NDST4: variants seen among roughly 807,000 people sequenced by gnomAD.
NDST4 encodes the protein N-deacetylase and N-sulfotransferase 4.
A neutral mutation model predicts 100.8 loss-of-function variants in NDST4; 63 were observed. That is an observed-to-expected ratio of 0.62 (90% CI 0.51 to 0.77). NDST4 has a LOEUF of 0.77. Ranked by LOEUF, NDST4 falls within the 30% of genes least tolerant of loss-of-function variation. The probability of loss-of-function intolerance (pLI) is 0.00; values close to 1 mark genes in which losing one functional copy is unlikely to be tolerated. For missense variants in NDST4, 943 were observed against 1,018.4 expected, an observed-to-expected ratio of 0.93 and a Z score of 1.01; for synonymous variants, 377 against 361.8, an observed-to-expected ratio of 1.04 and a Z score of -0.48.
At position 114,937,350 on chromosome 4, in the gene NDST4, A is replaced by C. The variant is rs1411712889; in HGVS notation, c.1375T>G (p.Tyr459Asp). ...CTATTGTGAATGAAGCCCTTTCTGT[A>C]CCGGGCAGGTTTCAGATGTGGATAT... ...EEYPHLKPARYRKGFIHNSIM... is the reference protein window; with the variant it reads ...EEYPHLKPARDRKGFIHNSIM... The change falls in exon 5 of 14, where the codon TAC becomes GAC. Residue 459 changes from tyrosine (Y) to aspartate (D), a missense_variant. Tyr to Asp is a radical substitution (Grantham distance 160, BLOSUM62 -3). Around this residue, in one of 2 missense-constraint regions of NDST4, gnomAD observed 526 missense variants for 634.1 expected, o/e 0.83. Transcript: ENST00000264363. 6.2e-7 allele frequency: 1 copy of C among 1,613,982 alleles called. No individual in the cohort carries two copies. Among genetic ancestry groups the C allele is most frequent in the African/African-American group, 1.3e-5 (1 of 74,902 alleles).
chr4:114,950,587 C>T (rs767242584), intron 4 of NDST4, among the ~76,000 whole-genome samples: 4 of 152,062 alleles, frequency 2.6e-5, no homozygotes, highest in Admixed American at 1.3e-4. Context: ...CACTAACAGA[C>T]TGCAGGCTAA....
intron 6 of NDST4, among the ~76,000 whole-genome samples, chr4:114,924,782 AGGGT>A (rs1725355994): frequency 6.6e-6 from 1 of 152,042 alleles, no homozygotes; most frequent in African/African-American, 2.4e-5. Flanking sequence ...AAAAATTTGT[AGGGT>A]GGCTACAGTT....
intron 6 of NDST4, among the ~76,000 whole-genome samples, chr4:114,891,778 G>C (rs777657949): frequency 6.6e-6 from 1 of 152,050 alleles, no homozygotes; most frequent in African/African-American, 2.4e-5. Flanking sequence ...TTAAAGCTGA[G>C]GTTGCTTCAA....
At chr4:114,839,071 T>C (rs1723370060) in intron 11 of NDST4, among the ~76,000 whole-genome samples, 1 of 152,182 alleles carries the variant, frequency 6.6e-6, no homozygotes, top group Non-Finnish European at 1.5e-5. Flanking sequence ...ATGTCTCCTG[T>C]ATGAGAACTT....
intron 2 of NDST4, among the ~76,000 whole-genome samples, chr4:115,035,850 T>C (rs1175582254): frequency 6.6e-6 from 1 of 152,050 alleles, no homozygotes; most frequent in Non-Finnish European, 1.5e-5. Flanking sequence ...CCAAGGATGT[T>C]AGTAAAACAT....
At chr4:114,890,739 T>G (rs1049014917) in intron 6 of NDST4, among the ~76,000 whole-genome samples, 1 of 152,126 alleles carries the variant, frequency 6.6e-6, no homozygotes, top group Non-Finnish European at 1.5e-5. Flanking sequence ...GGTACTCTCA[T>G]TTGTCCTCAG....
intron 2 of NDST4, among the ~76,000 whole-genome samples, chr4:115,072,123 CAA>C (rs1205093296): frequency 4.6e-5 from 7 of 151,918 alleles, no homozygotes; most frequent in East Asian, 1.9e-4. Flanking sequence ...ATGTTATAGT[CAA>C]AGAGTCAACA....
At chr4:114,947,162 G>A (rs908104597) in intron 4 of NDST4, among the ~76,000 whole-genome samples, 5 of 152,166 alleles carry the variant, frequency 3.3e-5, no homozygotes, top group African/African-American at 1.2e-4. Flanking sequence ...GTATTAAAGT[G>A]AGAACAATTA....
At chr4:114,955,152 G>A (rs1194183139) in intron 4 of NDST4, among the ~76,000 whole-genome samples, 1 of 152,128 alleles carries the variant, frequency 6.6e-6, no homozygotes, top group African/African-American at 2.4e-5. Context: ...GGTAGGAAGG[G>A]AAACACTTCC....
Position 114,846,133 on chromosome 4 carries a change from G to T in NDST4, c.1941-136C>A, listed in dbSNP as rs1297811564. The T allele has an allele frequency of 4.0e-6, 3 of 758,216 alleles. No individual in the cohort carries two copies. In the East Asian group the frequency reaches 8.3e-5, roughly 21 times the overall value. The allele number at this position is 758,216 out of a possible 1,614,324, so 47.0% of individuals were successfully genotyped here. A position where few individuals can be genotyped will look rare whatever the true frequency, so the allele number is the denominator to read the frequency against. On this transcript the variant is annotated intron_variant, in intron 9 of 13. Transcript: ENST00000264363. ...TTATGCTGTTATAGTTTAAATAATA[G>T]ATATTCTATACACATTGAATGTGAA...
chr4:115,107,097 G>A (rs1729848153), intron 1 of NDST4, among the ~76,000 whole-genome samples: 1 of 152,048 alleles, frequency 6.6e-6, no homozygotes, highest in Admixed American at 6.6e-5. Context: ...GTTTGAGGTT[G>A]TAGTATGCTA....
rs1729177253 is a variant in NDST4 at position 115,076,167 on chromosome 4, G to C, written c.870C>G (p.Phe290Leu). The change falls in exon 2 of 14, where the codon TTC (phenylalanine) becomes TTG (leucine). Residue 290 changes from phenylalanine to leucine, a missense_variant. Transcript: ENST00000264363. ...ACAATGTCAGCCTCTTCCCTGACAA[G>C]AAGGAGATGGCATCTATGAAGATGA... Reference protein sequence around the residue: ...HKLIFIDAISFLSGKRLTLSL... With the variant: ...HKLIFIDAISLLSGKRLTLSL... 11 of 1,613,956 alleles carry C rather than the reference G, an allele frequency of 6.8e-6. No homozygotes were observed. The highest frequency in any genetic ancestry group is 9.3e-6 in the Non-Finnish European group (11 of 1,179,920).
chr4:114,901,293 C>T (rs1724832787), intron 6 of NDST4, among the ~76,000 whole-genome samples: 1 of 151,990 alleles, frequency 6.6e-6, no homozygotes, highest in South Asian at 2.1e-4. Context: ...CTTTGAAGTT[C>T]TATCGTTTTT....
At chr4:115,039,723 TAGAC>T (rs567666293) in intron 2 of NDST4, among the ~76,000 whole-genome samples, 92 of 152,202 alleles carry the variant, frequency 6.0e-4, no homozygotes, top group Non-Finnish European at 1.0e-3. Context: ...AAAATCAACT[TAGAC>T]AAGAGTGTGT....
At chr4:115,009,376 T>A (rs1578449759) in intron 2 of NDST4, among the ~76,000 whole-genome samples, 1 of 127,468 alleles carries the variant, frequency 7.8e-6, no homozygotes, top group African/African-American at 3.0e-5. Flanking sequence ...TCAGAAATAA[T>A]GCTGCATATC....
At chr4:114,944,203 A>T (rs1294022080) in intron 4 of NDST4, among the ~76,000 whole-genome samples, 2 of 152,194 alleles carry the variant, frequency 1.3e-5, no homozygotes, top group African/African-American at 2.4e-5. Context: ...TCTTGCTTCC[A>T]GTTGAGTCTG....
intron 6 of NDST4, among the ~76,000 whole-genome samples, chr4:114,904,364 C>A (rs977597758): frequency 6.6e-6 from 1 of 151,808 alleles, no homozygotes; most frequent in South Asian, 2.1e-4. Context: ...AAATTTTACA[C>A]GATATTCTTG....
chr4:115,092,839 T>C (rs1377229204), intron 1 of NDST4, among the ~76,000 whole-genome samples: 1 of 152,128 alleles, frequency 6.6e-6, no homozygotes, highest in Non-Finnish European at 1.5e-5. Flanking sequence ...AAACACAAAA[T>C]AAATAGGTCT....
chr4:114,996,537 T>C (rs1727167220), intron 2 of NDST4, among the ~76,000 whole-genome samples: 1 of 152,082 alleles, frequency 6.6e-6, no homozygotes, highest in Non-Finnish European at 1.5e-5. Context: ...CTTTAAGTAA[T>C]AGAAACATCC....
Sources: gnomAD v4.1 joint callset for allele counts (sites outside exome capture counted in the v4.1 genomes callset) on GRCh38, gnomAD v4.1.1 for gene constraint, gnomAD v4.1.1 regional missense constraint, MANE v1.5 for transcripts, NCBI Gene and HGNC (gene_info 2026-07-23, HGNC 2026-07-21) for gene names.